The following ZNF33B variants were observed in gnomAD, a reference collection of about 807,000 sequenced individuals.
ZNF33B encodes the protein zinc finger protein 11b (KOX 2).
A neutral mutation model predicts 45.8 loss-of-function variants in ZNF33B; 29 were observed. The observed-to-expected ratio is 0.63, with a 90% confidence interval of 0.47 to 0.86. The LOEUF is 0.86. Among genes scored for constraint, ZNF33B ranks in the 40% least tolerant of loss-of-function variants. The pLI is 0.00. For missense variants in ZNF33B, 831 were observed against 909.9 expected, an observed-to-expected ratio of 0.91 and a Z score of 1.12; for synonymous variants, 305 against 307.8, an observed-to-expected ratio of 0.99 and a Z score of 0.10.
At chr10:42,605,293 A>C (rs1837794884) in intron 4 of ZNF33B, 1 of 151,794 alleles carries the variant, frequency 6.6e-6, no homozygotes, top group African/African-American at 2.4e-5. Context: ...AGAGGCCAAA[A>C]ACTTGCAAAT....
chr10:42,638,080 G>T (rs1461936796), intron 1 of ZNF33B, among the ~76,000 whole-genome samples: 1 of 152,258 alleles, frequency 6.6e-6, no homozygotes, highest in Non-Finnish European at 1.5e-5. Flanking sequence ...GATGAACGCA[G>T]AACGGGCAAC....
chr10:42,580,478 T>TC (rs1004583336), intron 1 of ZNF33B, among the ~76,000 whole-genome samples: 1 of 149,614 alleles, frequency 6.7e-6, no homozygotes, highest in Non-Finnish European at 1.5e-5. Context: ...CCTCAAGTGA[T>TC]CCCCCCACCT....
intron 4 of ZNF33B, among the ~76,000 whole-genome samples, chr10:42,608,647 TAGAG>T (rs962507880): frequency 2.3e-4 from 35 of 152,156 alleles, no homozygotes; most frequent in Admixed American, 1.1e-3. Context: ...AAGCAATGCT[TAGAG>T]AGAGATTTGT....
intron 2 of ZNF33B, among the ~76,000 whole-genome samples, chr10:42,636,106 C>G (rs1041565273): frequency 1.3e-4 from 20 of 151,734 alleles, no homozygotes; most frequent in African/African-American, 4.6e-4. Context: ...TCCAGCCAGG[C>G]AACAGAGCGA....
At chr10:42,583,902 C>A (rs1589011530) in intron 1 of ZNF33B, among the ~76,000 whole-genome samples, 1 of 152,302 alleles carries the variant, frequency 6.6e-6, no homozygotes, top group South Asian at 2.1e-4. Context: ...AAGAGCTCAG[C>A]CCCCAGGCCA....
At chr10:42,614,445 A>G (rs183920002) in intron 4 of ZNF33B, 9 of 152,788 alleles carry the variant, frequency 5.9e-5, no homozygotes, top group African/African-American at 1.4e-4. Context: ...ATCAGCAGAC[A>G]CTAAATAAAA....
rs377646660 is a variant in ZNF33B, at chr10:42,614,970, G to C, written c.250+16959C>G. 1.5e-4 allele frequency among the ~76,000 whole-genome samples: 23 copies of C among 151,490 alleles called. No individual in the cohort carries two copies. The East Asian group carries it at 4.5e-3, about 29-fold the overall frequency. ...TCCATCTCAAAAAGAAAAAAAAAAAGACATTCAACATCATTAGCCATTAGG... is the reference window on the plus strand; with the variant it reads ...TCCATCTCAAAAAGAAAAAAAAAAACACATTCAACATCATTAGCCATTAGG... On this transcript the variant is annotated intron_variant, in intron 4 of 4. Transcript: ENST00000359467.
chr10:42,598,942 G>GA (rs1837507923), intron 4 of ZNF33B, among the ~76,000 whole-genome samples: 1 of 151,904 alleles, frequency 6.6e-6, no homozygotes, highest in East Asian at 1.9e-4. Context: ...GAATTTTCTG[G>GA]AAAAGTCTTT....
chr10:42,629,943 C>T (rs1838975199), intron 4 of ZNF33B, among the ~76,000 whole-genome samples: 1 of 152,152 alleles, frequency 6.6e-6, no homozygotes, highest in African/African-American at 2.4e-5. Context: ...TCCACTTAGG[C>T]CCCTTTACCC....
At chr10:42,587,204 T>C (rs551240499), downstream of ZNF33B, among the ~76,000 whole-genome samples, 100 of 151,506 alleles carry the variant, frequency 6.6e-4, no homozygotes, top group African/African-American at 2.4e-3. Context: ...TTGCTTTTTG[T>C]TTTGTTTTGT....
chr10:42,636,136 A>T (rs1839290595), intron 2 of ZNF33B, among the ~76,000 whole-genome samples: 1 of 152,042 alleles, frequency 6.6e-6, no homozygotes, highest in Non-Finnish European at 1.5e-5. Context: ...TCAAAAAAAT[A>T]AAAAAATAAA....
chr10:42,632,206 T>C, intron 3 of ZNF33B, 89 bp downstream of exon 3: 1 of 1,543,870 alleles, frequency 6.5e-7, no homozygotes. Context: ...TAAGCCTAAA[T>C]AATGTCATTA....
chr10:42,602,079 C>G (rs1414146537), intron 4 of ZNF33B, among the ~76,000 whole-genome samples: 1 of 151,670 alleles, frequency 6.6e-6, no homozygotes, highest in Non-Finnish European at 1.5e-5. Context: ...CCACCACACC[C>G]AGCTAATTTT....
At chr10:42,605,480 T>C (rs1255264236) in intron 4 of ZNF33B, among the ~76,000 whole-genome samples, 4 of 152,130 alleles carry the variant, frequency 2.6e-5, no homozygotes, top group East Asian at 1.9e-4. Context: ...TCACCTAAAA[T>C]AGCAGAACTA....
chr10:42,631,984 T>C lies in ZNF33B; in HGVS notation c.195A>G (p.Glu65=), dbSNP rs774931334. The change falls in exon 4 of 5, where the codon GAA becomes GAG. Residue 65 remains glutamate (E), a synonymous_variant. Transcript: ENST00000359467. The part of the protein sequence containing the change: ...AHKPEVIFRL[E]QGEEPWRLEE... ...CCAGTCTCCATGGTTCTTCTCCTTG[T>C]TCCAGCCTGAAGATCACCTCTGGTT... 3 of 1,614,144 alleles carry C rather than the reference T, an allele frequency of 1.9e-6. No individual in the cohort carries two copies. In the African/African-American group the frequency reaches 4.0e-5, roughly 22 times the overall value.
intron 4 of ZNF33B, among the ~76,000 whole-genome samples, chr10:42,595,201 T>A (rs1039836624): frequency 5.9e-5 from 9 of 152,018 alleles, no homozygotes; most frequent in African/African-American, 2.2e-4. Flanking sequence ...ACTGTGGTGA[T>A]CACATGGAAT....
intron 4 of ZNF33B, among the ~76,000 whole-genome samples, chr10:42,622,466 G>T (rs1326289278): frequency 6.6e-6 from 1 of 152,210 alleles, no homozygotes; most frequent in Non-Finnish European, 1.5e-5. Flanking sequence ...CAAACAGTGG[G>T]TCATGTCATA....
chr10:42,636,356 G>A (rs1371311877), intron 2 of ZNF33B, among the ~76,000 whole-genome samples: 2 of 152,154 alleles, frequency 1.3e-5, no homozygotes, highest in African/African-American at 4.8e-5. Flanking sequence ...CTTCAGAGGA[G>A]TCAGTTTGTC....
Position 42,592,529 on chromosome 10 carries a change from A to T in ZNF33B, c.*84T>A, listed in dbSNP as rs1229806734. On this transcript the variant is annotated 3_prime_UTR_variant, in exon 5 of 5. Transcript: ENST00000359467. ...TGTGGATAGTTATTGAACATTCAGG[A>T]TGTCAACAGGCCCTTCTCCACAGTG... is the stretch of plus-strand genomic sequence containing the variant. 2 of 1,498,634 alleles carry T rather than the reference A, an allele frequency of 1.3e-6. No individual in the cohort carries two copies. The highest frequency in any genetic ancestry group is 1.8e-6 in the Non-Finnish European group (2 of 1,113,312). The allele number at this position is 1,498,634 out of a possible 1,614,324, so 92.8% of individuals were successfully genotyped here. A position where few individuals can be genotyped will look rare whatever the true frequency, so the allele number is the denominator to read the frequency against.
Sources: gnomAD v4.1 joint callset for allele counts (sites outside exome capture counted in the v4.1 genomes callset) on GRCh38, gnomAD v4.1.1 for gene constraint, MANE v1.5 for transcripts, NCBI Gene and HGNC (gene_info 2026-07-23, HGNC 2026-07-21) for gene names.